EIF2AK4: variants seen among roughly 807,000 people sequenced by gnomAD.
The protein encoded by EIF2AK4 is eIF-2-alpha kinase GCN2.
EIF2AK4 carries 139 observed loss-of-function variants against 211.1 expected under a neutral mutation model. The observed-to-expected ratio is 0.66, with a 90% CI of 0.57 to 0.76. The LOEUF is 0.76. EIF2AK4 is among the 30% of genes least tolerant of loss of function. EIF2AK4 has a pLI of 0.00. For synonymous variants in EIF2AK4, 710 were observed against 751.3 expected, an observed-to-expected ratio of 0.94 and a Z score of 0.90; for missense variants, 1,664 against 2,043.8, an observed-to-expected ratio of 0.81 and a Z score of 3.58.
chr15:40,027,295 CAT>C (rs1453699921), intron 33 of EIF2AK4, among the ~76,000 whole-genome samples: 1 of 152,180 alleles, frequency 6.6e-6, no homozygotes, highest in African/African-American at 2.4e-5. Context: ...TACCACAAAT[CAT>C]ATAGTCTCTG....
intron 30 of EIF2AK4, among the ~76,000 whole-genome samples, chr15:40,019,471 C>T (rs1003781543): frequency 1.7e-4 from 26 of 152,280 alleles, no homozygotes; most frequent in African/African-American, 6.0e-4. Flanking sequence ...GGGCCTGTTA[C>T]GAACCGGGCC....
rs1217082121 is a variant in EIF2AK4 at position 40,016,651 on chromosome 15, GA to G, written c.3912del (p.Lys1304AsnfsTer9). 1 of 1,614,120 alleles carries G rather than the reference GA, an allele frequency of 6.2e-7. No individual in the cohort carries two copies. The stretch of plus-strand genomic sequence containing the variant: ...TAGAGGAGGTTGTTGGACTGTTGAA[GA>G]AACTCGGCATCAAGTTACAGGTTTG... ...DLEEVVGLLK[K>X]LGIKLQVLIN... is the part of the protein sequence containing the mutation. On this transcript the variant is annotated frameshift_variant, in exon 28 of 39. Transcript: ENST00000263791. LOFTEE classifies it high-confidence loss of function.
rs1338548127 is a variant in EIF2AK4 at position 40,035,116 on chromosome 15, C to T, written c.*32C>T. ...AGAACTGTCGTTAACCTCATTCAAA[C>T]AGACAGAGGCTTATACTGGAATAAT... On this transcript the variant is annotated 3_prime_UTR_variant, in exon 39 of 39. Coordinates refer to ENST00000263791, the MANE Select transcript of EIF2AK4 (RefSeq NM_001013703.4). 1.4e-6 allele frequency: 2 copies of T among 1,426,442 alleles called. No individual in the cohort carries two copies. The highest frequency in any genetic ancestry group is 1.3e-5 in the South Asian group (1 of 76,310). The allele number at this position is 1,426,442 out of a possible 1,614,324, so 88.4% of individuals were successfully genotyped here.
intron 25 of EIF2AK4, among the ~76,000 whole-genome samples, chr15:40,008,888 C>T (rs968382736): frequency 5.3e-5 from 8 of 152,172 alleles, no homozygotes; most frequent in Non-Finnish European, 1.2e-4. Context: ...CCATTGCAGC[C>T]AGCTCGGCAC....
intron 13 of EIF2AK4, among the ~76,000 whole-genome samples, chr15:39,984,651 T>A (rs2034839876): frequency 6.6e-6 from 1 of 152,246 alleles, no homozygotes; most frequent in Admixed American, 6.5e-5. Context: ...TGGCTCTCTG[T>A]TTGTCTATTA....
chr15:39,949,746 A>G (rs1271712677), intron 4 of EIF2AK4, among the ~76,000 whole-genome samples: 1 of 152,204 alleles, frequency 6.6e-6, no homozygotes, highest in Non-Finnish European at 1.5e-5. Context: ...AAAAAATACA[A>G]AGATTAAATA....
chr15:40,020,800 C>G, intron 30 of EIF2AK4, 99 bp from the exon 31 acceptor site: 1 of 1,049,730 alleles, frequency 9.5e-7, no homozygotes, highest in Non-Finnish European at 1.3e-6. Flanking sequence ...TCAAGAATGC[C>G]CATCTTCCCA....
At chr15:40,010,762 C>A (rs1478714066) in intron 26 of EIF2AK4, among the ~76,000 whole-genome samples, 4 of 152,164 alleles carry the variant, frequency 2.6e-5, no homozygotes, top group Non-Finnish European at 5.9e-5. Context: ...CTGCTTGTTT[C>A]TTAGTGGTTC....
In EIF2AK4 at chr15:39,978,117, T is replaced by G. The variant is rs2034726876; in HGVS notation, c.2289T>G (p.Asn763Lys). The change falls in exon 13 of 39, where the codon AAT (asparagine) becomes AAG (lysine). Residue 763 changes from asparagine to lysine, a missense_variant. This residue lies in a region of EIF2AK4 where 206 missense variants were observed against 201.9 expected (regional missense o/e 1.02). Coordinates refer to ENST00000263791, the MANE Select transcript of EIF2AK4 (RefSeq NM_001013703.4). ...CTGAAAGTGATATTATCTTTGACAA[T>G]GAAGATGAGAACAGTAAAAGTCAGA... Reference protein sequence around the residue: ...SDSESDIIFDNEDENSKSQNQ... With the variant: ...SDSESDIIFDKEDENSKSQNQ... 6.3e-7 allele frequency: 1 copy of G among 1,593,930 alleles called. No homozygotes were observed. The highest frequency in any genetic ancestry group is 8.6e-7 in the Non-Finnish European group (1 of 1,166,628).
At chr15:39,964,805 T>C (rs2034520661) in intron 7 of EIF2AK4, among the ~76,000 whole-genome samples, 1 of 152,238 alleles carries the variant, frequency 6.6e-6, no homozygotes, top group Non-Finnish European at 1.5e-5. Flanking sequence ...ACTAAATAAA[T>C]GTGTCTCATT....
At chr15:39,948,080 C>A (rs1339035329) in intron 3 of EIF2AK4, among the ~76,000 whole-genome samples, 1 of 152,160 alleles carries the variant, frequency 6.6e-6, no homozygotes, top group Non-Finnish European at 1.5e-5. Context: ...GAAATATATC[C>A]AGTAAATGCC....
intron 4 of EIF2AK4, among the ~76,000 whole-genome samples, chr15:39,953,275 T>C (rs2034344972): frequency 6.6e-6 from 1 of 152,272 alleles, no homozygotes; most frequent in African/African-American, 2.4e-5. Flanking sequence ...GGTGTGTTTT[T>C]ACACATTGTA....
At chr15:40,018,594 T>C (rs1472022951) in intron 29 of EIF2AK4, among the ~76,000 whole-genome samples, 1 of 152,192 alleles carries the variant, frequency 6.6e-6, no homozygotes, top group Admixed American at 6.5e-5. Flanking sequence ...AGCACTGGGA[T>C]TGCGGGTGTG....
chr15:39,951,017 C>T (rs891985959), intron 4 of EIF2AK4, among the ~76,000 whole-genome samples: 1 of 152,114 alleles, frequency 6.6e-6, no homozygotes, highest in African/African-American at 2.4e-5. Context: ...AATAGAAAAA[C>T]GGCCAATACG....
chr15:39,999,906 A>G (rs1389514857), intron 20 of EIF2AK4, among the ~76,000 whole-genome samples: 1 of 152,154 alleles, frequency 6.6e-6, no homozygotes, highest in African/African-American at 2.4e-5. Flanking sequence ...ATTTTTCACC[A>G]TGAGGACTGC....
rs751461577 is a variant in EIF2AK4 at position 40,035,130 on chromosome 15, T to C, written c.*46T>C. The C allele has an allele frequency of 3.0e-6, 4 of 1,342,098 alleles. No individual in the cohort carries two copies. In the South Asian group the frequency reaches 5.7e-5, roughly 19 times the overall value. 83.1% of individuals were successfully genotyped at this position (1,342,098 alleles called of 1,614,324 possible). The stretch of plus-strand genomic sequence containing the variant: ...CCTCATTCAAACAGACAGAGGCTTA[T>C]ACTGGAATAATGGAATGTTGTACAT... On this transcript the variant is annotated 3_prime_UTR_variant, in exon 39 of 39. Transcript: ENST00000263791.
chr15:40,011,762 C>CAGAGTTGAATTAAAGA (rs1219433222), intron 27 of EIF2AK4, among the ~76,000 whole-genome samples: 1 of 152,218 alleles, frequency 6.6e-6, no homozygotes, highest in African/African-American at 2.4e-5. Context: ...TCCCCTACCT[C>CAGAGTTGAATTAAAGA]CATGTCTTCT....
At chr15:39,951,128 A>G (rs1432443212) in intron 4 of EIF2AK4, among the ~76,000 whole-genome samples, 2 of 152,212 alleles carry the variant, frequency 1.3e-5, no homozygotes, top group Non-Finnish European at 2.9e-5. Context: ...CAGGAATAAT[A>G]AGAGAATTTT....
intron 5 of EIF2AK4, among the ~76,000 whole-genome samples, chr15:39,955,389 C>A (rs531284966): frequency 6.6e-6 from 1 of 151,996 alleles, no homozygotes; most frequent in African/African-American, 2.4e-5. Flanking sequence ...GTGATCGGAT[C>A]AGGGTAATTA....
Sources: gnomAD v4.1 joint callset for allele counts (sites outside exome capture counted in the v4.1 genomes callset) on GRCh38, gnomAD v4.1.1 for gene constraint, gnomAD v4.1.1 regional missense constraint, MANE v1.5 for transcripts, NCBI Gene and HGNC (gene_info 2026-07-23, HGNC 2026-07-21) for gene names.